Variants in RAPGEF1 observed in about 807,000 individuals in gnomAD.
The protein encoded by RAPGEF1 is Rap guanine nucleotide exchange factor 1.
RAPGEF1 carries 33 observed loss-of-function variants against 143.3 expected under a neutral mutation model. That is an observed-to-expected ratio of 0.23 (90% CI 0.17 to 0.31). The LOEUF is 0.31. Ranked by LOEUF, RAPGEF1 falls within the 10% of genes least tolerant of loss-of-function variation. The pLI is 1.00. For missense variants in RAPGEF1, 1,199 were observed against 1,645.4 expected, an observed-to-expected ratio of 0.73 and a Z score of 4.69; for synonymous variants, 629 against 676.5, an observed-to-expected ratio of 0.93 and a Z score of 1.09.
At chr9:131,669,188 TCA>T (rs542828352) in intron 1 of RAPGEF1, among the ~76,000 whole-genome samples, 123 of 152,326 alleles carry the variant, frequency 8.1e-4, no homozygotes, top group African/African-American at 2.6e-3. Context: ...CTCTGAGAAC[TCA>T]CAGTTTGACA....
intron 1 of RAPGEF1, among the ~76,000 whole-genome samples, chr9:131,734,942 T>C (rs1837321617): frequency 6.6e-6 from 1 of 152,234 alleles, no homozygotes; most frequent in African/African-American, 2.4e-5. Context: ...CCCAGTGAAC[T>C]GCTCCAAGGT....
At chr9:131,662,896 T>G (rs1829797852) in intron 1 of RAPGEF1, among the ~76,000 whole-genome samples, 1 of 152,122 alleles carries the variant, frequency 6.6e-6, no homozygotes, top group South Asian at 2.1e-4. Flanking sequence ...CTCGAGCTCC[T>G]GGGCTCAAGT....
intron 1 of RAPGEF1, among the ~76,000 whole-genome samples, chr9:131,710,886 C>T (rs890953188): frequency 2.0e-5 from 3 of 152,110 alleles, no homozygotes; most frequent in African/African-American, 7.2e-5. Flanking sequence ...TAGCTCTTCC[C>T]CTTGGCTTTG....
At position 131,584,181 on chromosome 9, in the gene RAPGEF1, C is replaced by T. The variant is rs917312331; in HGVS notation, c.3414+130G>A. 1.4e-5 allele frequency: 11 copies of T among 808,332 alleles called. No homozygotes were observed. The highest frequency in any genetic ancestry group is 1.8e-5 in the Non-Finnish European group (9 of 507,294). 50.1% of individuals were successfully genotyped at this position (808,332 alleles called of 1,614,324 possible). On this transcript the variant is annotated intron_variant, in intron 24 of 26. Coordinates refer to ENST00000683357, the MANE Select transcript of RAPGEF1 (RefSeq NM_001377935.1). The surrounding 1 kb of genome is among the most constrained non-coding windows in gnomAD (Gnocchi z 6.8). ...CAGCTGTTCTGGTCACACAGCATGT[C>T]GGTGGCAGAGCAGGGGCCTAGGCCC...
intron 1 of RAPGEF1, among the ~76,000 whole-genome samples, chr9:131,716,682 A>G (rs1359184592): frequency 6.6e-6 from 1 of 152,182 alleles, no homozygotes; most frequent in African/African-American, 2.4e-5. Flanking sequence ...CTGAGGTGAG[A>G]GAATGGCTTG....
chr9:131,696,304 G>A (rs1834172877), intron 1 of RAPGEF1, among the ~76,000 whole-genome samples: 1 of 152,206 alleles, frequency 6.6e-6, no homozygotes, highest in Non-Finnish European at 1.5e-5. Context: ...ACCACAGTCT[G>A]CTCATGTAGA....
rs531338087 is a variant in RAPGEF1, at chr9:131,582,518, T to C, written c.3512+87A>G. 8 of 1,021,238 alleles carry C rather than the reference T, an allele frequency of 7.8e-6. No homozygotes were observed. In the African/African-American group the frequency reaches 1.3e-4, roughly 17 times the overall value. 63.3% of individuals were successfully genotyped at this position (1,021,238 alleles called of 1,614,324 possible). A position where few individuals can be genotyped will look rare whatever the true frequency, so the allele number is the denominator to read the frequency against. On this transcript the variant is annotated intron_variant, in intron 25 of 26. Transcript: ENST00000683357. ...TCCGTTAGAAACCCCTAAATTAAGA[T>C]TTCTCTGCTGGAGCCTGACAGATCT...
At chr9:131,636,531 A>T (rs556243990) in intron 5 of RAPGEF1, among the ~76,000 whole-genome samples, 1 of 152,330 alleles carries the variant, frequency 6.6e-6, no homozygotes, top group African/African-American at 2.4e-5. Context: ...GAGGAAATGT[A>T]CTTGGGACTG....
intron 1 of RAPGEF1, among the ~76,000 whole-genome samples, chr9:131,669,405 T>C (rs930183703): frequency 6.6e-6 from 1 of 152,110 alleles, no homozygotes; most frequent in African/African-American, 2.4e-5. Context: ...CCTGTCACCT[T>C]AGGGAAGCAG....
intron 1 of RAPGEF1, among the ~76,000 whole-genome samples, chr9:131,682,495 G>A (rs1265993910): frequency 1.3e-5 from 2 of 152,178 alleles, no homozygotes; most frequent in African/African-American, 4.8e-5. Flanking sequence ...TTGCCAGTGG[G>A]GACAATATGA....
At chr9:131,638,848 C>CA in intron 4 of RAPGEF1, 57 bp from the exon 5 acceptor site, 1 of 1,531,198 alleles carries the variant, frequency 6.5e-7, no homozygotes, top group Non-Finnish European at 8.9e-7. Context: ...CATCACTTAG[C>CA]ACAGAGCCAG....
chr9:131,616,194 G>A (rs1173835808), intron 12 of RAPGEF1, among the ~76,000 whole-genome samples: 1 of 152,162 alleles, frequency 6.6e-6, no homozygotes, highest in African/African-American at 2.4e-5. Context: ...TTGAACCTGG[G>A]AGGCGGAGGT....
intron 12 of RAPGEF1, among the ~76,000 whole-genome samples, chr9:131,616,611 T>C (rs930813397): frequency 5.9e-5 from 9 of 152,234 alleles, no homozygotes; most frequent in Non-Finnish European, 4.4e-5. Context: ...TAGAATCTTT[T>C]AGTGGAAATA....
intron 12 of RAPGEF1, among the ~76,000 whole-genome samples, chr9:131,606,855 G>A (rs1957198628): frequency 6.6e-6 from 1 of 152,012 alleles, no homozygotes; most frequent in Admixed American, 6.6e-5. Context: ...GAACTCCTGA[G>A]CTCAAATGAT....
chr9:131,607,739 G>C (rs1957339627), intron 12 of RAPGEF1, among the ~76,000 whole-genome samples: 2 of 152,162 alleles, frequency 1.3e-5, no homozygotes, highest in Admixed American at 1.3e-4. Flanking sequence ...CCTTGCTGCT[G>C]CCTAGTTTAA....
intron 12 of RAPGEF1, among the ~76,000 whole-genome samples, chr9:131,612,068 G>C (rs968788892): frequency 6.6e-6 from 1 of 152,190 alleles, no homozygotes; most frequent in Non-Finnish European, 1.5e-5. Context: ...GGAAACAGTA[G>C]CCTGACGTGG....
At chr9:131,728,843 C>T (rs182306309) in intron 1 of RAPGEF1, among the ~76,000 whole-genome samples, 2 of 152,272 alleles carry the variant, frequency 1.3e-5, no homozygotes, top group African/African-American at 4.8e-5. Context: ...TCTTATGTGT[C>T]CAGACTCTGA....
chr9:131,728,274 T>G (rs1384554728), intron 1 of RAPGEF1, among the ~76,000 whole-genome samples: 1 of 152,224 alleles, frequency 6.6e-6, no homozygotes, highest in East Asian at 1.9e-4. Flanking sequence ...GGACCTTGAA[T>G]GTCTTGTGGT....
In RAPGEF1 at chr9:131,643,415, G is replaced by T; in HGVS notation, c.318C>A (p.Asn106Lys). 1.2e-6 allele frequency: 2 copies of T among 1,611,884 alleles called. No individual in the cohort carries two copies. Among genetic ancestry groups the T allele is most frequent in the Non-Finnish European group, 1.7e-6 (2 of 1,178,954 alleles). ...TCTCTTTCTCCTCCAGCCAGCTCAG[G>T]TTCTGAAAGGAGACGTTAGGCATAA... is the stretch of plus-strand genomic sequence containing the variant. The part of the protein sequence containing the change: ...AVASRSQRQK[N>K]LSWLEEKEKE... Residue 106 changes from asparagine to lysine, a missense_variant and splice_region_variant, in exon 4 of 27, where the codon AAC (asparagine) becomes AAA (lysine). Physicochemically the swap from Asn to Lys is moderately conservative, Grantham distance 94. Coordinates refer to ENST00000683357, the MANE Select transcript of RAPGEF1 (RefSeq NM_001377935.1).
Sources: allele counts gnomAD v4.1 joint callset (sites outside exome capture counted in the v4.1 genomes callset), GRCh38; gene constraint gnomAD v4.1.1; non-coding constraint Gnocchi (gnomAD v3.1); transcripts MANE v1.5; gene names NCBI Gene and HGNC (gene_info 2026-07-23, HGNC 2026-07-21).